The following WFS1 variants were observed in gnomAD, a reference collection of about 807,000 sequenced individuals.
WFS1 encodes the protein wolframin ER transmembrane glycoprotein.
A neutral mutation model predicts 68.5 loss-of-function variants in WFS1; 90 were observed. The observed-to-expected ratio is 1.31, with a 90% CI of 1.11 to 1.56. The LOEUF is 1.56. Among genes scored for constraint, WFS1 ranks in the 40% most tolerant of loss-of-function variants. The probability of loss-of-function intolerance (pLI) is 0.00; values close to 1 mark genes in which losing one functional copy is unlikely to be tolerated. For synonymous variants in WFS1, 860 were observed against 540.7 expected, an observed-to-expected ratio of 1.59 and a Z score of -8.19; for missense variants, 1,767 against 1,232.6, an observed-to-expected ratio of 1.43 and a Z score of -6.49.
Position 6,300,755 on chromosome 4 carries a change from CA to C in WFS1, c.961del (p.Thr321ArgfsTer38). The C allele has an allele frequency of 6.2e-7, 1 of 1,614,096 alleles. No individual in the cohort carries two copies. The highest frequency in any genetic ancestry group is 1.1e-5 in the South Asian group (1 of 91,078). ...GMHWLSTIIP[T>X]HHINALIFFF... The stretch of plus-strand genomic sequence containing the variant: ...TGCACTGGCTGTCCACCATCATCCC[CA>C]CGCACCACATCAACGCGCTCATCTT... On this transcript the variant is annotated frameshift_variant, in exon 8 of 8. Transcript: ENST00000226760. LOFTEE classifies it high-confidence loss of function.
chr4:6,286,299 C>T (rs537009619), intron 2 of WFS1, among the ~76,000 whole-genome samples: 72 of 152,280 alleles, frequency 4.7e-4, no homozygotes, highest in Middle Eastern at 3.4e-3. Context: ...GAATCATGAG[C>T]GATGGCTTTA....
intron 7 of WFS1, among the ~76,000 whole-genome samples, chr4:6,298,397 C>G (rs142320245): frequency 3.9e-5 from 6 of 152,276 alleles, no homozygotes; most frequent in African/African-American, 1.2e-4. Context: ...TGGCCATCTC[C>G]TGGCAGTGTG....
chr4:6,285,175 A>ATCCACGGAGAGTTACG (rs1730277977), intron 2 of WFS1, among the ~76,000 whole-genome samples: 1 of 142,222 alleles, frequency 7.0e-6, no homozygotes, highest in Non-Finnish European at 1.5e-5. Context: ...GGAGAGTTAC[A>ATCCACGGAGAGTTACG]TCCAGGGAGA....
Position 6,300,917 on chromosome 4 carries a change from C to A in WFS1, c.1122C>A (p.Phe374Leu), listed in dbSNP as rs1235126935. The change falls in exon 8 of 8, where the codon TTC becomes TTA. Residue 374 changes from phenylalanine to leucine, a missense_variant. Transcript: ENST00000226760. ...AGGACAGCAAGGCCTGGGAGAACTT[C>A]CGCACCCTCACCGACCTGCTGCTGC... ...VFQDSKAWEN[F>L]RTLTDLLLRF... 1 of 1,614,192 alleles carries A rather than the reference C, an allele frequency of 6.2e-7. No individual in the cohort carries two copies. Among genetic ancestry groups the A allele is most frequent in the Admixed American group, 1.7e-5 (1 of 60,022 alleles).
At chr4:6,294,876 G>A (rs1730581653) in intron 6 of WFS1, 165 bp from the exon 7 acceptor site, 1 of 1,144,512 alleles carries the variant, frequency 8.7e-7, no homozygotes, top group Non-Finnish European at 1.3e-6. Flanking sequence ...ACCCAGCCTG[G>A]TCCTCAACCC....
intron 1 of WFS1, among the ~76,000 whole-genome samples, chr4:6,276,929 C>T (rs1578585241): frequency 2.6e-5 from 4 of 152,342 alleles, no homozygotes; most frequent in Admixed American, 2.6e-4. Flanking sequence ...CACTTCTCTT[C>T]CTATAGGCCA....
chr4:6,279,407 G>A (rs1730088532), intron 2 of WFS1, among the ~76,000 whole-genome samples: 1 of 152,240 alleles, frequency 6.6e-6, no homozygotes, highest in Admixed American at 6.5e-5. Context: ...GAAACCGAGG[G>A]ATAGAGGGCT....
chr4:6,275,498 C>G (rs1240834735), intron 1 of WFS1, among the ~76,000 whole-genome samples: 4 of 142,080 alleles, frequency 2.8e-5, no homozygotes, highest in African/African-American at 1.0e-4. Context: ...CAGGATGGAG[C>G]AGGCTCCCAA....
In WFS1 at chr4:6,301,971, TTCA is replaced by T; in HGVS notation, c.2179_2181del (p.Ile727del). On this transcript the variant is annotated inframe_deletion, in exon 8 of 8. Transcript: ENST00000226760. ...GTCTGCCATCAACATGCTCCCGTTC[TTCA>T]TCGGCGACTGGATGCGCTGCCTCTA... 1 of 1,612,792 alleles carries T rather than the reference TTCA, an allele frequency of 6.2e-7. No homozygotes were observed. Among genetic ancestry groups the T allele is most frequent in the African/African-American group, 1.3e-5 (1 of 75,044 alleles).
chr4:6,275,988 G>C (rs543922084), intron 1 of WFS1, among the ~76,000 whole-genome samples: 2 of 152,324 alleles, frequency 1.3e-5, no homozygotes, highest in South Asian at 2.1e-4. Flanking sequence ...TGCAGAGCGG[G>C]ATGTGGGCTG....
chr4:6,289,233 G>C, intron 4 of WFS1, 102 bp downstream of exon 4: 1 of 1,429,064 alleles, frequency 7.0e-7, no homozygotes. Flanking sequence ...TAACGCTGGT[G>C]ATGCTGTTGG....
chr4:6,287,194 G>T lies in WFS1; in HGVS notation c.315+19G>T. The stretch of plus-strand genomic sequence containing the variant: ...GACTGAGGTGAGGACTGCGGTGCCG[G>T]CAGGGACTTCGGGACGCGGCCCCCG... On this transcript the variant is annotated intron_variant, in intron 3 of 7. Coordinates refer to ENST00000226760, the MANE Select transcript of WFS1 (RefSeq NM_006005.3). The surrounding 1 kb of genome is among the most constrained non-coding windows in gnomAD (Gnocchi z 6.4). 3.2e-6 allele frequency: 5 copies of T among 1,551,854 alleles called. No individual in the cohort carries two copies. The highest frequency in any genetic ancestry group is 4.4e-6 in the Non-Finnish European group (5 of 1,146,814).
At chr4:6,285,284 G>A (rs919472142) in intron 2 of WFS1, among the ~76,000 whole-genome samples, 1 of 151,208 alleles carries the variant, frequency 6.6e-6, no homozygotes, top group South Asian at 2.1e-4. Flanking sequence ...AGGGAGAGGG[G>A]CGTCCAGCGA....
At chr4:6,282,854 T>C (rs373522092) in intron 2 of WFS1, among the ~76,000 whole-genome samples, 5 of 152,198 alleles carry the variant, frequency 3.3e-5, no homozygotes, top group South Asian at 2.1e-4. Flanking sequence ...GGAGGTGCTG[T>C]GTCCTGGACT....
Position 6,291,231 on chromosome 4 carries a change from G to C in WFS1, c.495G>C (p.Gln165His). The C allele has an allele frequency of 1.9e-6, 3 of 1,612,984 alleles. No homozygotes were observed. The highest frequency in any genetic ancestry group is 2.5e-6 in the Non-Finnish European group (3 of 1,180,018). Residue 165 changes from glutamine (Q) to histidine (H), a missense_variant, in exon 5 of 8, where the codon CAG becomes CAC. By Grantham distance (24) the Gln-to-His change is conservative. Transcript: ENST00000226760. The stretch of plus-strand genomic sequence containing the variant: ...CCGAGAACGAACGGGAGGTGAGGCA[G>C]CTCTCCTCCGAGACCGACCTGGAGA... The part of the protein sequence containing the change: ...ITSENEREVR[Q>H]LSSETDLERA...
At position 6,277,540 on chromosome 4, in the gene WFS1, G is replaced by A. The variant is rs71530922; in HGVS notation, c.85G>A (p.Ala29Thr). 1 of 1,589,524 alleles carries A rather than the reference G, an allele frequency of 6.3e-7. No homozygotes were observed. The highest frequency in any genetic ancestry group is 1.3e-5 in the African/African-American group (1 of 74,684). ...PQPQARSRLN[A>T]TASLEQERSE... ...GCCCCAGGCGCGTTCCCGACTCAAT[G>A]CCACAGCCTCGTTGGAGCAGGAGAG... The change falls in exon 2 of 8, where the codon GCC becomes ACC. Residue 29 changes from alanine (A) to threonine (T), a missense_variant. Coordinates refer to ENST00000226760, the MANE Select transcript of WFS1 (RefSeq NM_006005.3).
intron 1 of WFS1, 116 bp from the exon 2 acceptor site, chr4:6,277,335 T>G: frequency 1.0e-6 from 1 of 964,258 alleles, no homozygotes. Context: ...AGATCCTGTA[T>G]GGAGTGTCTG....
chr4:6,281,776 G>GA (rs993857840), intron 2 of WFS1, among the ~76,000 whole-genome samples: 32 of 152,280 alleles, frequency 2.1e-4, no homozygotes, highest in African/African-American at 7.2e-4. Flanking sequence ...GATTATTTAG[G>GA]AAGCAGCTGT....
Position 6,301,883 on chromosome 4 carries a change from C to G in WFS1, c.2088C>G (p.His696Gln). The stretch of plus-strand genomic sequence containing the variant: ...TCCTCTGCAGCCACCTGGAGGGCCA[C>G]AGGGTCACGTGGACCGGCCGCTTCA... ...TQILCSHLEG[H>Q]RVTWTGRFKY... Residue 696 changes from histidine to glutamine, a missense_variant, in exon 8 of 8, where the codon CAC becomes CAG. Coordinates refer to ENST00000226760, the MANE Select transcript of WFS1 (RefSeq NM_006005.3). 4 of 1,612,922 alleles carry G rather than the reference C, an allele frequency of 2.5e-6. No individual in the cohort carries two copies. The highest frequency in any genetic ancestry group is 2.2e-5 in the East Asian group (1 of 44,870).
Sources: allele counts gnomAD v4.1 joint callset (sites outside exome capture counted in the v4.1 genomes callset), GRCh38; gene constraint gnomAD v4.1.1; non-coding constraint Gnocchi (gnomAD v3.1); transcripts MANE v1.5; gene names NCBI Gene and HGNC (gene_info 2026-07-23, HGNC 2026-07-21).